Variants in TNFSF13B observed in about 807,000 individuals in gnomAD.
The protein encoded by TNFSF13B is tumor necrosis factor ligand superfamily member 13B.
In TNFSF13B, 8 loss-of-function variants were observed where a neutral mutation model predicts 29.1. The observed-to-expected ratio is 0.27, with a 90% CI of 0.16 to 0.50. The LOEUF (loss-of-function observed/expected upper bound fraction) is 0.50. TNFSF13B is among the 20% of genes least tolerant of loss of function. The probability of loss-of-function intolerance (pLI) is 0.98; values close to 1 mark genes in which losing one functional copy is unlikely to be tolerated. For missense variants in TNFSF13B, 248 were observed against 334.9 expected (o/e 0.74, Z 2.03); for synonymous variants, 125 against 130.8 (o/e 0.96, Z 0.30).
At chr13:108,269,645 C>A, upstream of TNFSF13B, 1 of 421,996 alleles carries the variant, frequency 2.4e-6, no homozygotes, top group South Asian at 4.3e-5. Context: ...CTTACAAAAA[C>A]TGAAAGTGAA....
chr13:108,284,192 G>A (rs1881046393), intron 2 of TNFSF13B, among the ~76,000 whole-genome samples: 1 of 152,172 alleles, frequency 6.6e-6, no homozygotes, highest in South Asian at 2.1e-4. Context: ...AGCCAGGCAT[G>A]GTGGCGGGCA....
chr13:108,300,625 G>A (rs1025217945), intron 3 of TNFSF13B, among the ~76,000 whole-genome samples: 1 of 152,150 alleles, frequency 6.6e-6, no homozygotes, highest in Non-Finnish European at 1.5e-5. Flanking sequence ...AAATTATATC[G>A]TAAAAGAGGC....
intron 3 of TNFSF13B, among the ~76,000 whole-genome samples, chr13:108,287,671 G>A (rs1272984149): frequency 6.6e-6 from 1 of 151,926 alleles, no homozygotes; most frequent in Non-Finnish European, 1.5e-5. Context: ...AAAAATCATA[G>A]AAAGAGGAAA....
Position 108,303,355 on chromosome 13 carries a change from T to A in TNFSF13B, c.584T>A (p.Ile195Lys). 6.2e-7 allele frequency: 1 copy of A among 1,612,708 alleles called. No individual in the cohort carries two copies. Among genetic ancestry groups the A allele is most frequent in the Non-Finnish European group, 8.5e-7 (1 of 1,179,140 alleles). ...GTCAAAGAAACTGGTTACTTTTTTA[T>A]ATATGGTCAGGTAGGTTGAAACCCT... Reference protein sequence around the residue: ...ILVKETGYFFIYGQVLYTDKT... With the variant: ...ILVKETGYFFKYGQVLYTDKT... Residue 195 changes from isoleucine (I) to lysine (K), a missense_variant, in exon 4 of 6, where the codon ATA becomes AAA. Coordinates refer to ENST00000375887, the MANE Select transcript of TNFSF13B (RefSeq NM_006573.5).
chr13:108,303,413 T>C (rs1881684822), intron 4 of TNFSF13B, 41 bp from the exon 5 acceptor site: 6 of 1,609,986 alleles, frequency 3.7e-6, no homozygotes, highest in Non-Finnish European at 5.1e-6. Flanking sequence ...GCCTCCCATT[T>C]TGTGTTCATT....
chr13:108,284,043 A>G (rs1001523415), intron 2 of TNFSF13B, among the ~76,000 whole-genome samples: 39 of 152,178 alleles, frequency 2.6e-4, no homozygotes, highest in African/African-American at 9.4e-4. Context: ...TGAAATAGGA[A>G]GTCATGGCCG....
chr13:108,282,448 T>G (rs1211386947), intron 2 of TNFSF13B, among the ~76,000 whole-genome samples: 1 of 152,232 alleles, frequency 6.6e-6, no homozygotes, highest in Non-Finnish European at 1.5e-5. Context: ...TTTTTCTGAT[T>G]AAATGGTATT....
rs776872708 is a variant in TNFSF13B, at chr13:108,270,079, A to G, written c.184A>G (p.Thr62Ala). ...LLLALLSCCLTVVSFYQVAAL... is the reference protein window; with the variant it reads ...LLLALLSCCLAVVSFYQVAAL... ...GCTGGCACTGCTGTCTTGCTGCCTC[A>G]CGGTGGTGTCTTTCTACCAGGTGGC... The change falls in exon 1 of 6, where the codon ACG becomes GCG. Residue 62 changes from threonine (T) to alanine (A), a missense_variant. By Grantham distance (58) the Thr-to-Ala change is moderately conservative. This residue lies in a region of TNFSF13B where 186 missense variants were observed against 196.3 expected (regional missense o/e 0.95). Transcript: ENST00000375887. The G allele has an allele frequency of 6.2e-7, 1 of 1,606,302 alleles. No individual in the cohort carries two copies. Among genetic ancestry groups the G allele is most frequent in the Admixed American group, 1.7e-5 (1 of 60,008 alleles).
chr13:108,270,517 C>G (rs1880584621), intron 2 of TNFSF13B, 93 bp downstream of exon 2: 1 of 1,186,332 alleles, frequency 8.4e-7, no homozygotes, highest in Middle Eastern at 2.2e-4. Flanking sequence ...CTCTATGAAC[C>G]TATTAAATAG....
intron 2 of TNFSF13B, among the ~76,000 whole-genome samples, chr13:108,273,950 C>T (rs1361201869): frequency 6.6e-6 from 1 of 152,064 alleles, no homozygotes; most frequent in Non-Finnish European, 1.5e-5. Flanking sequence ...TTCCCTCCTC[C>T]CCCTTAGCTT....
At chr13:108,276,551 A>T (rs1453954229) in intron 2 of TNFSF13B, among the ~76,000 whole-genome samples, 7 of 152,308 alleles carry the variant, frequency 4.6e-5, no homozygotes, top group Non-Finnish European at 1.0e-4. Context: ...GAGAAACAGA[A>T]AAATGATAGT....
rs1325769984 is a variant in TNFSF13B at position 108,306,873 on chromosome 13, A to C, written c.793A>C (p.Arg265=). Residue 265 remains arginine, a synonymous_variant, in exon 6 of 6, where the codon AGA becomes CGA. Transcript: ENST00000375887. Reference sequence around the variant, plus strand: ...AGATGAACTCCAACTTGCAATACCAAGAGAAAATGCACAAATATCACTGGA... The same window carrying C: ...AGATGAACTCCAACTTGCAATACCACGAGAAAATGCACAAATATCACTGGA... The part of the protein sequence containing the change: ...EGDELQLAIP[R]ENAQISLDGD... The C allele has an allele frequency of 6.2e-7, 1 of 1,611,712 alleles. No homozygotes were observed. The highest frequency in any genetic ancestry group is 1.3e-5 in the African/African-American group (1 of 74,730).
intron 2 of TNFSF13B, among the ~76,000 whole-genome samples, chr13:108,282,203 A>G (rs946822022): frequency 6.6e-6 from 1 of 152,212 alleles, no homozygotes; most frequent in Non-Finnish European, 1.5e-5. Flanking sequence ...ACTATGAAGA[A>G]TCTGTGGGTG....
chr13:108,270,412 C>T lies in TNFSF13B; in HGVS notation c.412C>T (p.Pro138Ser), dbSNP rs1880580638. The T allele has an allele frequency of 1.2e-6, 2 of 1,613,802 alleles. No homozygotes were observed. The highest frequency in any genetic ancestry group is 1.7e-6 in the Non-Finnish European group (2 of 1,179,864). Reference sequence around the variant, plus strand: ...CAGAAATAAGCGTGCCGTTCAGGGTCCAGAAGAAACAGGTATGTTTTGGGC... The same window carrying T: ...CAGAAATAAGCGTGCCGTTCAGGGTTCAGAAGAAACAGGTATGTTTTGGGC... Reference protein sequence around the residue: ...NSRNKRAVQGPEETVTQDCLQ... With the variant: ...NSRNKRAVQGSEETVTQDCLQ... The change falls in exon 2 of 6, where the codon CCA (proline) becomes TCA (serine). Residue 138 changes from proline to serine, a missense_variant. Coordinates refer to ENST00000375887, the MANE Select transcript of TNFSF13B (RefSeq NM_006573.5).
intron 3 of TNFSF13B, among the ~76,000 whole-genome samples, chr13:108,300,283 A>G (rs1046207333): frequency 6.6e-6 from 1 of 152,224 alleles, no homozygotes; most frequent in African/African-American, 2.4e-5. Context: ...CATTAATTTA[A>G]TAAATATTTG....
At chr13:108,276,241 G>A (rs942093232) in intron 2 of TNFSF13B, among the ~76,000 whole-genome samples, 1 of 152,192 alleles carries the variant, frequency 6.6e-6, no homozygotes, top group African/African-American at 2.4e-5. Flanking sequence ...TTCCTTCGTG[G>A]AACAGAACCA....
intron 2 of TNFSF13B, among the ~76,000 whole-genome samples, chr13:108,272,726 AT>A (rs1329274541): frequency 2.6e-5 from 4 of 152,164 alleles, no homozygotes; most frequent in African/African-American, 7.2e-5. Flanking sequence ...TTTAAAGAAT[AT>A]TTTTAAGGTA....
intron 2 of TNFSF13B, among the ~76,000 whole-genome samples, chr13:108,278,771 A>C (rs754099268): frequency 1.9e-5 from 2 of 108,058 alleles, no homozygotes; most frequent in African/African-American, 6.6e-5. Flanking sequence ...GTAAGAGAAA[A>C]GGGAATAACT....
intron 2 of TNFSF13B, among the ~76,000 whole-genome samples, chr13:108,275,793 G>A (rs567780797): frequency 1.3e-5 from 2 of 152,210 alleles, no homozygotes; most frequent in Non-Finnish European, 1.5e-5. Flanking sequence ...CCAACATTAA[G>A]ACTTAACTAT....
Sources: allele counts gnomAD v4.1 joint callset (sites outside exome capture counted in the v4.1 genomes callset), GRCh38; gene constraint gnomAD v4.1.1; regional missense constraint gnomAD v4.1.1; transcripts MANE v1.5; gene names NCBI Gene and HGNC (gene_info 2026-07-23, HGNC 2026-07-21).